The following UBE2R2 variants were observed in gnomAD, a reference collection of about 807,000 sequenced individuals.
UBE2R2 encodes ubiquitin conjugating enzyme E2 R2.
In UBE2R2, 1 loss-of-function variant was observed where a neutral mutation model predicts 27.8. That is an observed-to-expected ratio of 0.04 (90% CI 0.01 to 0.17). UBE2R2 has a LOEUF of 0.17. Among genes scored for constraint, UBE2R2 ranks in the 10% least tolerant of loss-of-function variants. The probability of loss-of-function intolerance (pLI) is 1.00; values close to 1 mark genes in which losing one functional copy is unlikely to be tolerated. For missense variants in UBE2R2, 100 were observed against 291.0 expected (o/e 0.34, Z 4.78); for synonymous variants, 106 against 113.3 (o/e 0.94, Z 0.41).
At chr9:33,831,637 G>A (rs1587429088) in intron 1 of UBE2R2, among the ~76,000 whole-genome samples, 1 of 151,944 alleles carries the variant, frequency 6.6e-6, no homozygotes, top group African/African-American at 2.4e-5. Flanking sequence ...GGCAGGTCTC[G>A]AACTCTTATT....
intron 1 of UBE2R2, among the ~76,000 whole-genome samples, chr9:33,824,849 T>A (rs1440906424): frequency 6.6e-6 from 1 of 151,896 alleles, no homozygotes; most frequent in East Asian, 1.9e-4. Flanking sequence ...AGTCTTGTAA[T>A]TGCCATCAGC....
chr9:33,914,361 A>G (rs2130824095), intron 4 of UBE2R2, among the ~76,000 whole-genome samples: 1 of 152,330 alleles, frequency 6.6e-6, no homozygotes, highest in South Asian at 2.1e-4. Flanking sequence ...TGTTAAGGGG[A>G]TTACAAATGC....
intron 1 of UBE2R2, among the ~76,000 whole-genome samples, chr9:33,877,491 T>C (rs1440160495): frequency 6.6e-6 from 1 of 152,042 alleles, no homozygotes; most frequent in Non-Finnish European, 1.5e-5. Context: ...TAAAAGATTA[T>C]ATAGTAGATA....
At chr9:33,875,775 G>T (rs1478234388) in intron 1 of UBE2R2, among the ~76,000 whole-genome samples, 1 of 152,078 alleles carries the variant, frequency 6.6e-6, no homozygotes, top group African/African-American at 2.4e-5. Context: ...ATAAAAGATA[G>T]AAAAATGTAA....
At chr9:33,900,524 TCTTAA>T (rs750413291) in intron 3 of UBE2R2, among the ~76,000 whole-genome samples, 1 of 152,188 alleles carries the variant, frequency 6.6e-6, no homozygotes, top group Non-Finnish European at 1.5e-5. Context: ...GAATCCCTAC[TCTTAA>T]CTTATCCTAG....
In UBE2R2 at chr9:33,918,593, C is replaced by CA. The variant is rs1822715237; in HGVS notation, c.*1357dup. ...ATCAATATTGAGATCCAGCAGCCTTCACCATCCAGGAGACTTCAGAACTTG... is the reference window on the plus strand; with the variant it reads ...ATCAATATTGAGATCCAGCAGCCTTCAACCATCCAGGAGACTTCAGAACTTG... On this transcript the variant is annotated 3_prime_UTR_variant, in exon 5 of 5. Coordinates refer to ENST00000263228, the MANE Select transcript of UBE2R2 (RefSeq NM_017811.4). 6.6e-6 allele frequency: 1 copy of CA among 152,366 alleles called. No individual in the cohort carries two copies. Among genetic ancestry groups the CA allele is most frequent in the African/African-American group, 2.4e-5 (1 of 41,420 alleles). 9.4% of individuals were successfully genotyped at this position (152,366 alleles called of 1,614,324 possible).
chr9:33,876,919 CAAATA>C lies in UBE2R2; in HGVS notation c.178-9954_178-9950del, dbSNP rs201240974. On this transcript the variant is annotated intron_variant, in intron 1 of 4. Transcript: ENST00000263228. ...CAATAGCGAGACTCCATCTAAAAAA[CAAATA>C]AAATAAATAAGAGTTCGAGACCAGC... Among the ~76,000 whole-genome samples, 699 of 151,896 alleles carry C rather than the reference CAAATA, an allele frequency of 4.6e-3. 9 individuals are homozygous for C. Among genetic ancestry groups the C allele is most frequent in the Admixed American group, 0.035 (529 of 15,230 alleles).
At chr9:33,892,607 T>A (rs1429176205) in intron 2 of UBE2R2, among the ~76,000 whole-genome samples, 1 of 152,166 alleles carries the variant, frequency 6.6e-6, no homozygotes, top group Non-Finnish European at 1.5e-5. Context: ...GCCACTAAAT[T>A]TGTACTTTTC....
chr9:33,868,726 T>C (rs564100803), intron 1 of UBE2R2: 3 of 152,266 alleles, frequency 2.0e-5, no homozygotes, highest in East Asian at 1.9e-4. Context: ...GCTGATGTTA[T>C]GTTGGAAACA....
At chr9:33,853,679 A>T (rs983748295) in intron 1 of UBE2R2, among the ~76,000 whole-genome samples, 2 of 151,850 alleles carry the variant, frequency 1.3e-5, no homozygotes, top group Non-Finnish European at 2.9e-5. Context: ...TTCTTTCTAG[A>T]TGTCAGACGC....
At chr9:33,911,928 G>A in intron 3 of UBE2R2, 36 bp from the exon 4 acceptor site, 1 of 1,583,798 alleles carries the variant, frequency 6.3e-7, no homozygotes, top group Non-Finnish European at 8.6e-7. Context: ...CTGTAAATAT[G>A]GGTATTCATA....
At chr9:33,853,193 G>A (rs1821006943) in intron 1 of UBE2R2, among the ~76,000 whole-genome samples, 1 of 142,912 alleles carries the variant, frequency 7.0e-6, no homozygotes, top group Non-Finnish European at 1.5e-5. Flanking sequence ...TTGGTTCTGA[G>A]TATGTAAAAA....
intron 1 of UBE2R2, among the ~76,000 whole-genome samples, chr9:33,849,814 A>G (rs1018507713): frequency 3.9e-5 from 6 of 151,948 alleles, no homozygotes; most frequent in African/African-American, 1.2e-4. Context: ...CCAAGCCAAG[A>G]TCTTACTACT....
chr9:33,843,327 G>A (rs1248202183), intron 1 of UBE2R2, among the ~76,000 whole-genome samples: 1 of 151,550 alleles, frequency 6.6e-6, no homozygotes. Context: ...GGGATTACAG[G>A]TGTGAGCCAC....
intron 2 of UBE2R2, among the ~76,000 whole-genome samples, chr9:33,895,536 A>G (rs1448028961): frequency 6.6e-6 from 1 of 152,154 alleles, no homozygotes; most frequent in Non-Finnish European, 1.5e-5. Flanking sequence ...TGGGTCCCTT[A>G]AATTGCTATA....
At chr9:33,849,989 A>G (rs536929109) in intron 1 of UBE2R2, among the ~76,000 whole-genome samples, 8 of 152,274 alleles carry the variant, frequency 5.3e-5, no homozygotes, top group South Asian at 2.1e-4. Context: ...TCTGCAGCCT[A>G]TACAAGTTTG....
intron 1 of UBE2R2, among the ~76,000 whole-genome samples, chr9:33,876,364 ATAAG>A (rs985866520): frequency 5.9e-5 from 9 of 152,154 alleles, no homozygotes; most frequent in Non-Finnish European, 1.0e-4. Context: ...TCAAAAATAA[ATAAG>A]TAAATAAACA....
At chr9:33,844,135 A>G (rs1231809908) in intron 1 of UBE2R2, among the ~76,000 whole-genome samples, 1 of 152,192 alleles carries the variant, frequency 6.6e-6, no homozygotes, top group Non-Finnish European at 1.5e-5. Context: ...GAAACACTTT[A>G]TTACATTTTA....
chr9:33,839,103 C>T (rs576018891), intron 1 of UBE2R2, among the ~76,000 whole-genome samples: 1 of 149,940 alleles, frequency 6.7e-6, no homozygotes, highest in Non-Finnish European at 1.5e-5. Flanking sequence ...AAAAAAGTTG[C>T]TGTGGTCTGA....
Sources: allele counts gnomAD v4.1 joint callset (sites outside exome capture counted in the v4.1 genomes callset), GRCh38; gene constraint gnomAD v4.1.1; transcripts MANE v1.5; gene names NCBI Gene and HGNC (gene_info 2026-07-23, HGNC 2026-07-21).